Variants in ANKRD36C observed in about 807,000 individuals in gnomAD.
ANKRD36C encodes the protein ankyrin repeat domain-containing protein 36C.
In ANKRD36C, 61 loss-of-function variants were observed where a neutral mutation model predicts 276.4. That is an observed-to-expected ratio of 0.22 (90% CI 0.18 to 0.27). The LOEUF (loss-of-function observed/expected upper bound fraction) is 0.27. Ranked by LOEUF, ANKRD36C falls within the 10% of genes least tolerant of loss-of-function variation. The pLI is 1.00. For synonymous variants in ANKRD36C, 483 were observed against 680.1 expected (o/e 0.71, Z 4.51); for missense variants, 1,447 against 2,032.3 (o/e 0.71, Z 5.54).
chr2:95,967,063 A>G (rs1170782991), intron 6 of ANKRD36C, among the ~76,000 whole-genome samples: 1 of 152,176 alleles, frequency 6.6e-6, no homozygotes, highest in Non-Finnish European at 1.5e-5. Flanking sequence ...GGCTGAGACA[A>G]TTTGGTTTTC....
Position 95,918,062 on chromosome 2 carries a change from C to T in ANKRD36C, c.2246-20G>A, listed in dbSNP as rs764054333. On this transcript the variant is annotated intron_variant, in intron 34 of 66. Transcript: ENST00000456556. ...AAGACACTGAAAAGCAAAAGGGATA[C>T]ATAATCACTCATGTGTAAATATGAT... 3 of 1,597,038 alleles carry T rather than the reference C, an allele frequency of 1.9e-6. No individual in the cohort carries two copies. The highest frequency in any genetic ancestry group is 1.3e-5 in the African/African-American group (1 of 74,500).
intron 42 of ANKRD36C, chr2:95,910,395 C>T (rs1407996357): frequency 6.5e-7 from 1 of 1,547,076 alleles, no homozygotes; most frequent in Non-Finnish European, 8.7e-7. Context: ...TTTCTCCATC[C>T]TTTTCTTCTC....
At chr2:95,874,910 C>G (rs1269794682) in intron 59 of ANKRD36C, among the ~76,000 whole-genome samples, 3 of 152,150 alleles carry the variant, frequency 2.0e-5, no homozygotes, top group African/African-American at 7.2e-5. Context: ...ATTTATGCAG[C>G]CAAAAAACAC....
chr2:95,860,045 T>A (rs756029001), exon 61 of ANKRD36C: 1 of 1,542,120 alleles, frequency 6.5e-7, no homozygotes, highest in Non-Finnish European at 8.8e-7. Context: ...AAACAAAATG[T>A]CTTTTTAATT....
rs574335990 is a variant in ANKRD36C at position 95,901,944 on chromosome 2, G to C, written c.2654-2608C>G. On this transcript the variant is annotated intron_variant, in intron 42 of 66. Transcript: ENST00000456556. ...TGACATACTTCTACAAAGTCAAATG[G>C]CTACAAGCATTAGATATTAATCAGT... Among the ~76,000 whole-genome samples, 3 of 149,224 alleles carry C rather than the reference G, an allele frequency of 2.0e-5. No homozygotes were observed. The East Asian group carries it at 6.0e-4, about 30-fold the overall frequency.
intron 15 of ANKRD36C, among the ~76,000 whole-genome samples, 156 bp downstream of exon 15, chr2:95,951,192 G>A (rs1678184962): frequency 6.6e-6 from 1 of 152,280 alleles, no homozygotes; most frequent in Non-Finnish European, 1.5e-5. Context: ...AGAATCACTT[G>A]AACCCAGGAG....
intron 6 of ANKRD36C, among the ~76,000 whole-genome samples, chr2:95,968,280 T>C (rs761419168): frequency 7.9e-5 from 12 of 152,236 alleles, no homozygotes; most frequent in Admixed American, 1.3e-4. Context: ...TTAAGAACTC[T>C]TATTTCCTTT....
Position 95,888,073 on chromosome 2 carries a change from T to C in ANKRD36C, c.2988+19A>G. ...ACCACACAGTTAATAGTTCACAATA[T>C]AAATGACAGTTTAATTACCTTCAAG... is the stretch of plus-strand genomic sequence containing the variant. On this transcript the variant is annotated intron_variant, in intron 49 of 66. Coordinates refer to ENST00000456556, the Ensembl canonical transcript of ANKRD36C. The C allele has an allele frequency of 6.2e-7, 1 of 1,609,754 alleles. No individual in the cohort carries two copies. Among genetic ancestry groups the C allele is most frequent in the Non-Finnish European group, 8.5e-7 (1 of 1,178,312 alleles).
At chr2:95,869,976 G>T (rs2104293255) in intron 59 of ANKRD36C, among the ~76,000 whole-genome samples, 1 of 152,366 alleles carries the variant, frequency 6.6e-6, no homozygotes, top group East Asian at 1.9e-4. Context: ...ACCTGCCATT[G>T]CCCAGGCTTG....
At chr2:95,873,102 A>C (rs924951512) in intron 59 of ANKRD36C, among the ~76,000 whole-genome samples, 5 of 152,178 alleles carry the variant, frequency 3.3e-5, no homozygotes, top group African/African-American at 1.2e-4. Context: ...GGAGGAAGTG[A>C]TACCCTTCCT....
intron 8 of ANKRD36C, among the ~76,000 whole-genome samples, chr2:95,961,811 A>ACT (rs1678466963): frequency 6.6e-6 from 1 of 152,052 alleles, no homozygotes; most frequent in African/African-American, 2.4e-5. Flanking sequence ...ATGCATCTGA[A>ACT]GTGAGTCCCA....
intron 17 of ANKRD36C, among the ~76,000 whole-genome samples, chr2:95,945,990 T>C (rs557007314): frequency 6.6e-6 from 1 of 152,330 alleles, no homozygotes; most frequent in Non-Finnish European, 1.5e-5. Flanking sequence ...ATATGCCTAA[T>C]AATACTGGTT....
intron 6 of ANKRD36C, among the ~76,000 whole-genome samples, chr2:95,977,632 T>C (rs866391389): frequency 1.3e-5 from 2 of 151,906 alleles, no homozygotes; most frequent in Admixed American, 6.6e-5. Context: ...CTTTCTTGTA[T>C]TCAGAATACA....
chr2:95,974,998 G>A (rs1678777007), intron 6 of ANKRD36C, among the ~76,000 whole-genome samples: 1 of 151,680 alleles, frequency 6.6e-6, no homozygotes, highest in Non-Finnish European at 1.5e-5. Flanking sequence ...ATTTCTTATG[G>A]CTGCATAGTA....
exon 63 of ANKRD36C, chr2:95,855,297 C>T: frequency 6.2e-7 from 1 of 1,601,936 alleles, no homozygotes; most frequent in Non-Finnish European, 8.5e-7. Context: ...TTCATATTGG[C>T]ATTTTTTTTC....
chr2:95,929,948 T>C (rs571205897), intron 24 of ANKRD36C, among the ~76,000 whole-genome samples: 1 of 151,630 alleles, frequency 6.6e-6, no homozygotes, highest in South Asian at 2.1e-4. Flanking sequence ...ATATATAAAC[T>C]TCATCAAAAA....
rs748705579 is a variant in ANKRD36C at position 95,855,962 on chromosome 2, A to G, written c.4299T>C (p.Ser1433=). The G allele has an allele frequency of 5.0e-6, 8 of 1,613,280 alleles. No homozygotes were observed. In the South Asian group the frequency reaches 7.7e-5, roughly 16 times the overall value. ...CATCCGTCAGAGCAGCAAGCTGTCC[A>G]CTATAACAGGCTATCGTTTCTGCTA... Residue 1433 remains serine (S), a synonymous_variant, in exon 63 of 67, where the codon AGT becomes AGC. Transcript: ENST00000456556.
At chr2:95,970,423 A>C (rs904742876) in intron 6 of ANKRD36C, among the ~76,000 whole-genome samples, 1 of 152,184 alleles carries the variant, frequency 6.6e-6, no homozygotes, top group Non-Finnish European at 1.5e-5. Context: ...CTTGTCAGAG[A>C]GAAGCTTATA....
chr2:95,921,901 C>A (rs1027148809), intron 32 of ANKRD36C, 91 bp from the exon 33 acceptor site: 6 of 1,342,108 alleles, frequency 4.5e-6, no homozygotes, highest in Non-Finnish European at 6.1e-6. Flanking sequence ...TATCTGCCTG[C>A]CTGTATTAGT....
Sources: allele counts gnomAD v4.1 joint callset (sites outside exome capture counted in the v4.1 genomes callset), GRCh38; gene constraint gnomAD v4.1.1; transcripts MANE v1.5; gene names NCBI Gene and HGNC (gene_info 2026-07-23, HGNC 2026-07-21).